The following EIF2B3 variants were observed in gnomAD, a reference collection of about 807,000 sequenced individuals.
EIF2B3 encodes the protein eukaryotic translation initiation factor 2B subunit gamma, also known as translation initiation factor eIF2B subunit gamma.
EIF2B3 carries 20 observed loss-of-function variants against 54.1 expected under a neutral mutation model. The ratio of observed to expected loss-of-function variants is 0.37; its 90% CI spans 0.26 to 0.54. The LOEUF is 0.54. Ranked by LOEUF, EIF2B3 falls within the 20% of genes least tolerant of loss-of-function variation. EIF2B3 has a pLI of 0.86. For missense variants in EIF2B3, 448 were observed against 547.8 expected (o/e 0.82, Z 1.82); for synonymous variants, 153 against 188.1 (o/e 0.81, Z 1.52).
chr1:44,864,859 G>A (rs571219481), intron 10 of EIF2B3, among the ~76,000 whole-genome samples: 2 of 152,296 alleles, frequency 1.3e-5, no homozygotes, highest in South Asian at 4.1e-4. Context: ...GGTCACAAAT[G>A]TTTCCCTTCT....
chr1:44,906,739 A>G (rs1227065128), intron 5 of EIF2B3, among the ~76,000 whole-genome samples: 1 of 151,990 alleles, frequency 6.6e-6, no homozygotes, highest in Non-Finnish European at 1.5e-5. Context: ...GACATTCCCC[A>G]CCCTTGAGGT....
chr1:44,981,273 A>G, intron 1 of EIF2B3, 96 bp from the exon 2 acceptor site: 2 of 1,275,538 alleles, frequency 1.6e-6, no homozygotes, highest in South Asian at 2.4e-5. Flanking sequence ...GGTTACTGAT[A>G]CCCACTATGT....
At chr1:44,979,839 G>T (rs531836406) in intron 2 of EIF2B3, among the ~76,000 whole-genome samples, 2 of 152,032 alleles carry the variant, frequency 1.3e-5, no homozygotes, top group Non-Finnish European at 2.9e-5. Flanking sequence ...GGTGGTACAC[G>T]CCTGTAGTCC....
intron 3 of EIF2B3, chr1:44,958,565 G>A (rs1367962113): frequency 7.1e-7 from 1 of 1,417,206 alleles, no homozygotes; most frequent in Non-Finnish European, 9.8e-7. Context: ...TTATGTCTTT[G>A]TGTGAAGACA....
intron 6 of EIF2B3, among the ~76,000 whole-genome samples, chr1:44,887,812 T>C (rs905308572): frequency 2.6e-5 from 4 of 152,014 alleles, no homozygotes; most frequent in African/African-American, 9.7e-5. Context: ...GGCTGAGGCA[T>C]GCCTGAACTC....
At chr1:44,961,060 A>G (rs1474474918) in intron 3 of EIF2B3, among the ~76,000 whole-genome samples, 2 of 151,962 alleles carry the variant, frequency 1.3e-5, no homozygotes, top group African/African-American at 4.8e-5. Flanking sequence ...AAATCTGGTC[A>G]AGCAGTTTCT....
At chr1:44,855,559 T>A (rs867352289) in intron 11 of EIF2B3, among the ~76,000 whole-genome samples, 2 of 151,638 alleles carry the variant, frequency 1.3e-5, no homozygotes, top group Admixed American at 6.6e-5. Flanking sequence ...ACCTTGAGGA[T>A]CTTTTTTTTT....
At chr1:44,985,639 C>T (rs1165168104) in intron 1 of EIF2B3, among the ~76,000 whole-genome samples, 1 of 152,170 alleles carries the variant, frequency 6.6e-6, no homozygotes, top group Admixed American at 6.5e-5. Flanking sequence ...TCACTAGGAA[C>T]TGAGGTTCCA....
chr1:44,980,460 G>A (rs149575666), intron 2 of EIF2B3, among the ~76,000 whole-genome samples: 51 of 152,046 alleles, frequency 3.4e-4, no homozygotes, highest in African/African-American at 1.1e-3. Flanking sequence ...CTGGGTGGCA[G>A]CGTGAGACTC....
chr1:44,888,473 ATCTCTCTC>A (rs3044260), intron 6 of EIF2B3, among the ~76,000 whole-genome samples: 35 of 144,422 alleles, frequency 2.4e-4, no homozygotes, highest in African/African-American at 4.8e-4. Flanking sequence ...TGGCTTCTCA[ATCTCTCTC>A]TCTCTCTCTC....
At chr1:44,976,138 T>G (rs969366521) in intron 3 of EIF2B3, among the ~76,000 whole-genome samples, 3 of 152,164 alleles carry the variant, frequency 2.0e-5, no homozygotes, top group Non-Finnish European at 4.4e-5. Context: ...CATTAAAAAC[T>G]TTTCTTCAAG....
At chr1:44,875,066 T>C (rs1655077721) in intron 9 of EIF2B3, among the ~76,000 whole-genome samples, 1 of 152,094 alleles carries the variant, frequency 6.6e-6, no homozygotes, top group South Asian at 2.1e-4. Context: ...AACAGACACA[T>C]ATACACACTC....
At chr1:44,908,941 G>A (rs1643464645) in intron 5 of EIF2B3, among the ~76,000 whole-genome samples, 2 of 152,182 alleles carry the variant, frequency 1.3e-5, no homozygotes, top group Non-Finnish European at 2.9e-5. Flanking sequence ...GGTGATGGTA[G>A]AGAACAGCTT....
chr1:44,968,987 C>T (rs17393206), intron 3 of EIF2B3, among the ~76,000 whole-genome samples: 3,272 of 151,968 alleles, frequency 0.022, 56 homozygotes, highest in Non-Finnish European at 0.035. Context: ...TGAAACATAA[C>T]GGTGGCAGAT....
intron 5 of EIF2B3, among the ~76,000 whole-genome samples, chr1:44,909,859 C>T (rs184666385): frequency 1.1e-3 from 164 of 152,256 alleles, no homozygotes; most frequent in African/African-American, 3.6e-3. Context: ...GACTCCCACA[C>T]CATTGGGAAA....
At chr1:44,960,661 T>C (rs185473455) in intron 3 of EIF2B3, among the ~76,000 whole-genome samples, 6 of 151,908 alleles carry the variant, frequency 3.9e-5, no homozygotes, top group Non-Finnish European at 1.5e-5. Flanking sequence ...AAAAAACCAA[T>C]ACTGGATAAC....
intron 3 of EIF2B3, among the ~76,000 whole-genome samples, chr1:44,977,567 C>A (rs200113401): frequency 6.6e-6 from 1 of 151,508 alleles, no homozygotes; most frequent in Non-Finnish European, 1.5e-5. Context: ...TGGGTTCAAG[C>A]GATTCTCCTG....
intron 2 of EIF2B3, among the ~76,000 whole-genome samples, chr1:44,978,692 A>G (rs1420226236): frequency 8.0e-6 from 1 of 125,248 alleles, no homozygotes; most frequent in African/African-American, 3.2e-5. Context: ...GCTGGAGTGC[A>G]GTGGCACTGT....
Position 44,978,389 on chromosome 1 carries a change from C to T in EIF2B3, c.220G>A (p.Asp74Asn), listed in dbSNP as rs1441108536. The change falls in exon 3 of 12, where the codon GAT becomes AAT. Residue 74 changes from aspartate to asparagine, a missense_variant. By Grantham distance (23) the Asp-to-Asn change is conservative. Transcript: ENST00000360403. The part of the protein sequence containing the change: ...CAEFKMKMKP[D>N]IVCIPDDADM... ...GCGTCATCAGGAATACACACAATAT[C>T]TGGCTTCATTTTCATCTTGAATTCT... 1.9e-6 allele frequency: 3 copies of T among 1,613,942 alleles called. No individual in the cohort carries two copies. The African/African-American group carries it at 4.0e-5, about 22-fold the overall frequency.
Sources: allele counts gnomAD v4.1 joint callset (sites outside exome capture counted in the v4.1 genomes callset), GRCh38; gene constraint gnomAD v4.1.1; transcripts MANE v1.5; gene names NCBI Gene and HGNC (gene_info 2026-07-23, HGNC 2026-07-21).